NFIB: variants seen among roughly 807,000 people sequenced by gnomAD.
NFIB encodes the protein nuclear factor 1 B-type.
NFIB carries 11 observed loss-of-function variants against 61.5 expected under a neutral mutation model. That is an observed-to-expected ratio of 0.18 (90% CI 0.11 to 0.30). The LOEUF is 0.30. Ranked by LOEUF, NFIB falls within the 10% of genes least tolerant of loss-of-function variation. The probability of loss-of-function intolerance (pLI) is 1.00; values close to 1 mark genes in which losing one functional copy is unlikely to be tolerated. For synonymous variants in NFIB, 260 were observed against 216.5 expected (o/e 1.20, Z -1.76); for missense variants, 471 against 608.9 (o/e 0.77, Z 2.38).
intron 2 of NFIB, among the ~76,000 whole-genome samples, chr9:14,209,876 T>C (rs2050132171): frequency 6.7e-6 from 1 of 149,596 alleles, no homozygotes; most frequent in Non-Finnish European, 1.5e-5. Context: ...AGAACTGCTT[T>C]TCCTGATTAT....
chr9:14,220,236 A>G lies in NFIB; in HGVS notation c.563-40456T>C, dbSNP rs75866321. ...ATTTTAATCTCATTAGTTATTATTG[A>G]TAACAAGGACAATGTAGATCCATTG... On this transcript the variant is annotated intron_variant, in intron 2 of 10. Transcript: ENST00000380953. Among the ~76,000 whole-genome samples the G allele has an allele frequency of 8.5e-5, 13 of 152,344 alleles. No individual in the cohort carries two copies. In the East Asian group the frequency reaches 2.5e-3, roughly 29 times the overall value.
intron 3 of NFIB, among the ~76,000 whole-genome samples, chr9:14,175,360 G>A (rs1395920135): frequency 1.3e-5 from 2 of 151,662 alleles, no homozygotes; most frequent in East Asian, 3.9e-4. Flanking sequence ...ATTTTTAGTA[G>A]AGACGGGGTT....
Position 14,082,833 on chromosome 9 carries a change from G to T in NFIB, c.*5476C>A, listed in dbSNP as rs2032220885. On this transcript the variant is annotated 3_prime_UTR_variant, in exon 11 of 11. Transcript: ENST00000380953. ...ATAAAGAGATATATTTGCCACATCAGTCCCTGTAGCACAGTTTTCAAAACC... is the reference window on the plus strand; with the variant it reads ...ATAAAGAGATATATTTGCCACATCATTCCCTGTAGCACAGTTTTCAAAACC... 1 of 202,868 alleles carries T rather than the reference G, an allele frequency of 4.9e-6. No individual in the cohort carries two copies. Among genetic ancestry groups the T allele is most frequent in the African/African-American group, 2.3e-5 (1 of 43,188 alleles). 12.6% of individuals were successfully genotyped at this position (202,868 alleles called of 1,614,324 possible). A position where few individuals can be genotyped will look rare whatever the true frequency, so the allele number is the denominator to read the frequency against.
intron 3 of NFIB, among the ~76,000 whole-genome samples, chr9:14,177,087 A>C (rs1336644405): frequency 6.6e-6 from 1 of 152,196 alleles, no homozygotes; most frequent in African/African-American, 2.4e-5. Flanking sequence ...ATTTGGTATA[A>C]CAATTCAAGC....
upstream of NFIB, among the ~76,000 whole-genome samples, chr9:14,401,002 G>A (rs1016676454): frequency 1.3e-5 from 2 of 152,188 alleles, no homozygotes; most frequent in Non-Finnish European, 2.9e-5. Context: ...CTCATAACCA[G>A]GAATGTTTTT....
At chr9:14,127,614 C>A (rs1005835433) in intron 6 of NFIB, among the ~76,000 whole-genome samples, 3 of 152,050 alleles carry the variant, frequency 2.0e-5, no homozygotes, top group Admixed American at 2.0e-4. Context: ...ACAAAATGTA[C>A]ACAATTTGCA....
At chr9:14,403,153 AAC>A (rs1351588044), upstream of NFIB, among the ~76,000 whole-genome samples, 4 of 152,188 alleles carry the variant, frequency 2.6e-5, no homozygotes, top group Non-Finnish European at 5.9e-5. Context: ...CCCCTTTTCA[AAC>A]ACATAGTTTA....
At chr9:14,419,774 G>A in the NFIB span, among the ~76,000 whole-genome samples, 2 of 152,058 alleles carry the variant, frequency 1.3e-5, no homozygotes, top group South Asian at 4.1e-4. Context: ...ACTTCCCATC[G>A]GTATGTCTGG....
chr9:14,476,345 T>C, the NFIB span, among the ~76,000 whole-genome samples: 1 of 152,120 alleles, frequency 6.6e-6, no homozygotes, highest in East Asian at 1.9e-4. Flanking sequence ...AATTTATTTG[T>C]GCCTGTCAGA....
At position 14,085,481 on chromosome 9, in the gene NFIB, A is replaced by G. The variant is rs892193927; in HGVS notation, c.*2828T>C. On this transcript the variant is annotated 3_prime_UTR_variant, in exon 11 of 11. Coordinates refer to ENST00000380953, the MANE Select transcript of NFIB (RefSeq NM_001190737.2). ...ATAGTTAAGGTACCATTCCTTAAAA[A>G]AATCCCATCAGCATCTAATGGGTTT... 5.0e-5 allele frequency: 11 copies of G among 221,764 alleles called. No individual in the cohort carries two copies. The highest frequency in any genetic ancestry group is 2.5e-4 in the African/African-American group (11 of 44,680). 13.7% of individuals were successfully genotyped at this position (221,764 alleles called of 1,614,324 possible). A position where few individuals can be genotyped will look rare whatever the true frequency, so the allele number is the denominator to read the frequency against.
intron 2 of NFIB, among the ~76,000 whole-genome samples, chr9:14,291,453 C>G (rs2132541193): frequency 6.6e-6 from 1 of 152,106 alleles, no homozygotes; most frequent in East Asian, 1.9e-4. Context: ...CCACTGCACT[C>G]CAGTCTGGGC....
chr9:14,449,330 A>G, the NFIB span, among the ~76,000 whole-genome samples: 1 of 152,120 alleles, frequency 6.6e-6, no homozygotes, highest in African/African-American at 2.4e-5. Flanking sequence ...GCTAAAACCT[A>G]CTGATGCCTA....
intron 1 of NFIB, among the ~76,000 whole-genome samples, chr9:14,383,571 G>A (rs1396839162): frequency 2.0e-5 from 3 of 152,138 alleles, no homozygotes; most frequent in African/African-American, 7.2e-5. Flanking sequence ...TATAAGGGTG[G>A]TTTACTTTTA....
chr9:14,182,080 C>A (rs1028212669), intron 2 of NFIB, among the ~76,000 whole-genome samples: 3 of 152,222 alleles, frequency 2.0e-5, no homozygotes, highest in Admixed American at 6.5e-5. Context: ...GTTACCACAA[C>A]ATCCCACTTG....
chr9:14,408,586 T>C, the NFIB span, among the ~76,000 whole-genome samples: 3 of 152,230 alleles, frequency 2.0e-5, no homozygotes, highest in African/African-American at 4.8e-5. Flanking sequence ...CATCTGTTTA[T>C]ATCACTTGAT....
chr9:14,520,944 T>C, the NFIB span, among the ~76,000 whole-genome samples: 3 of 152,200 alleles, frequency 2.0e-5, no homozygotes, highest in African/African-American at 7.2e-5. Flanking sequence ...AGAGGTTAAA[T>C]GGCTCGCTTA....
chr9:14,227,570 G>A (rs2052589442), intron 2 of NFIB, among the ~76,000 whole-genome samples: 1 of 152,012 alleles, frequency 6.6e-6, no homozygotes, highest in Admixed American at 6.6e-5. Context: ...TATGAATACT[G>A]GCATGAAAAT....
At chr9:14,360,687 G>A (rs150085969) in intron 1 of NFIB, among the ~76,000 whole-genome samples, 1,952 of 152,054 alleles carry the variant, frequency 0.013, 47 homozygotes, top group African/African-American at 0.045. Context: ...TGGGACTACA[G>A]GCGCCCGCCA....
intron 2 of NFIB, among the ~76,000 whole-genome samples, chr9:14,223,779 A>C (rs1266186650): frequency 6.6e-6 from 1 of 152,216 alleles, no homozygotes; most frequent in African/African-American, 2.4e-5. Context: ...ATACTAAATC[A>C]AAATCTAAGA....
Sources: gnomAD v4.1 joint callset for allele counts (sites outside exome capture counted in the v4.1 genomes callset) on GRCh38, gnomAD v4.1.1 for gene constraint, MANE v1.5 for transcripts, NCBI Gene and HGNC (gene_info 2026-07-23, HGNC 2026-07-21) for gene names.